Variants in HERC4 observed in about 807,000 individuals in gnomAD.
HERC4 encodes HECT and RLD domain containing E3 ubiquitin protein ligase 4.
A neutral mutation model predicts 124.3 loss-of-function variants in HERC4; 28 were observed. The observed-to-expected ratio is 0.23, with a 90% confidence interval of 0.17 to 0.31. HERC4 has a LOEUF of 0.31. Among genes scored for constraint, HERC4 ranks in the 10% least tolerant of loss-of-function variants. HERC4 has a pLI of 1.00. For missense variants in HERC4, 713 were observed against 1,229.3 expected, an observed-to-expected ratio of 0.58 and a Z score of 6.28; for synonymous variants, 407 against 421.5, an observed-to-expected ratio of 0.97 and a Z score of 0.42.
intron 9 of HERC4, among the ~76,000 whole-genome samples, chr10:68,006,375 GTTTTTTTT>G (rs772576805): frequency 7.5e-6 from 1 of 134,036 alleles, no homozygotes; most frequent in Non-Finnish European, 1.7e-5. Flanking sequence ...TTTTGTTTTT[GTTTTTTTT>G]TTTTTTTTGA....
intron 9 of HERC4, among the ~76,000 whole-genome samples, chr10:68,003,504 C>T (rs2037361720): frequency 6.6e-6 from 1 of 151,850 alleles, no homozygotes; most frequent in Non-Finnish European, 1.5e-5. Flanking sequence ...TCCTCACTTC[C>T]TCCCCTTACC....
At chr10:67,958,737 C>A (rs1383756638) in intron 16 of HERC4, among the ~76,000 whole-genome samples, 3 of 152,112 alleles carry the variant, frequency 2.0e-5, no homozygotes, top group Non-Finnish European at 4.4e-5. Context: ...TGTTTTACTT[C>A]TCTAATATAA....
chr10:67,945,896 A>G (rs1394386058), intron 19 of HERC4, among the ~76,000 whole-genome samples: 1 of 152,038 alleles, frequency 6.6e-6, no homozygotes, highest in Non-Finnish European at 1.5e-5. Context: ...CACAAAAAGG[A>G]ATGGAATAGG....
At chr10:68,068,934 A>C (rs1163540314) in intron 3 of HERC4, 6 of 476,412 alleles carry the variant, frequency 1.3e-5, no homozygotes, top group African/African-American at 2.1e-5. Context: ...TGTTGTGAGA[A>C]TTAAATGAGA....
intron 15 of HERC4, among the ~76,000 whole-genome samples, chr10:67,977,130 G>A (rs1196255498): frequency 6.6e-6 from 1 of 152,204 alleles, no homozygotes; most frequent in Admixed American, 6.5e-5. Flanking sequence ...ACAGCTTGTG[G>A]CTCCAAAAGA....
At chr10:68,069,717 A>G in intron 3 of HERC4, 1 of 985,474 alleles carries the variant, frequency 1.0e-6, no homozygotes. Flanking sequence ...AGTTCCCTCC[A>G]TTCCATGTGC....
Position 68,011,175 on chromosome 10 carries a change from T to C in HERC4, c.1069+2851A>G, listed in dbSNP as rs146206021. 3.3e-3 allele frequency among the ~76,000 whole-genome samples: 506 copies of C among 152,250 alleles called. 3 individuals are homozygous for C. The highest frequency in any genetic ancestry group is 0.012 in the African/African-American group (486 of 41,550). Reference sequence around the variant, plus strand: ...AACTCCTAAGCTCAAGCAATCCTCTTGCCTAAACCTCCCAAGTAGCATGTG... The same window carrying C: ...AACTCCTAAGCTCAAGCAATCCTCTCGCCTAAACCTCCCAAGTAGCATGTG... On this transcript the variant is annotated intron_variant, in intron 9 of 24. Transcript: ENST00000373700.
chr10:67,951,464 C>T (rs1372475741), intron 19 of HERC4, among the ~76,000 whole-genome samples: 1 of 152,216 alleles, frequency 6.6e-6, no homozygotes, highest in Non-Finnish European at 1.5e-5. Context: ...TCAAGTCTGA[C>T]ACAATTTTAT....
intron 16 of HERC4, chr10:67,959,023 C>G: frequency 9.4e-7 from 1 of 1,063,542 alleles, no homozygotes; most frequent in Non-Finnish European, 1.4e-6. Context: ...TTTAACCACA[C>G]CAAAAAAACG....
intron 23 of HERC4, among the ~76,000 whole-genome samples, chr10:67,927,009 G>C (rs2031058663): frequency 6.6e-6 from 1 of 151,936 alleles, no homozygotes; most frequent in Admixed American, 6.6e-5. Context: ...CTTGCTAATG[G>C]GCTTCTTGAA....
intron 21 of HERC4, among the ~76,000 whole-genome samples, chr10:67,936,782 A>G (rs1399660158): frequency 6.6e-6 from 1 of 152,140 alleles, no homozygotes; most frequent in Admixed American, 6.5e-5. Flanking sequence ...CCACTTATGC[A>G]TCTTTTCTTT....
At chr10:67,925,060 T>C in intron 24 of HERC4, 25 bp downstream of exon 24, 1 of 1,237,612 alleles carries the variant, frequency 8.1e-7, no homozygotes, top group Non-Finnish European at 1.2e-6. Context: ...TCTCATAAAG[T>C]ATACAACTAG....
intron 3 of HERC4, among the ~76,000 whole-genome samples, chr10:68,054,748 A>C (rs1184707747): frequency 6.6e-6 from 1 of 152,118 alleles, no homozygotes; most frequent in African/African-American, 2.4e-5. Context: ...ATATTTAATT[A>C]TTTAAATAAC....
intron 8 of HERC4, among the ~76,000 whole-genome samples, chr10:68,022,088 T>C (rs1164846173): frequency 6.6e-6 from 1 of 152,088 alleles, no homozygotes; most frequent in Non-Finnish European, 1.5e-5. Flanking sequence ...GGCAAAAGAT[T>C]TGTAAAATAA....
chr10:67,929,534 C>T (rs1006292863), intron 23 of HERC4, among the ~76,000 whole-genome samples: 26 of 133,816 alleles, frequency 1.9e-4, no homozygotes, highest in African/African-American at 1.0e-3. Context: ...GCTTTTTTTT[C>T]TTTTTTGAGA....
intron 8 of HERC4, among the ~76,000 whole-genome samples, chr10:68,024,348 G>A (rs1054447332): frequency 2.0e-5 from 3 of 152,064 alleles, no homozygotes; most frequent in Non-Finnish European, 4.4e-5. Flanking sequence ...AAAACCACAT[G>A]GGAAATATGG....
rs1564909584 is a variant in HERC4, at chr10:67,926,965, CA to C, written c.2839-1779del. On this transcript the variant is annotated intron_variant, in intron 23 of 24. Transcript: ENST00000373700. ...AATCTCTTGCATGGTTTCAGCTGTACATTATCCGGCACACAGTAGAGGCTCA... is the reference window on the plus strand; with the variant it reads ...AATCTCTTGCATGGTTTCAGCTGTACTTATCCGGCACACAGTAGAGGCTCA... Among the ~76,000 whole-genome samples, 3 of 152,306 alleles carry C rather than the reference CA, an allele frequency of 2.0e-5. No homozygotes were observed. The East Asian group carries it at 5.8e-4, about 29-fold the overall frequency.
chr10:68,022,414 G>T (rs1034338782), intron 8 of HERC4, among the ~76,000 whole-genome samples: 1 of 151,964 alleles, frequency 6.6e-6, no homozygotes, highest in South Asian at 2.1e-4. Context: ...CAGGAGAATC[G>T]CTTGGTCCCG....
At chr10:68,008,367 G>C (rs2037716557) in intron 9 of HERC4, among the ~76,000 whole-genome samples, 1 of 152,122 alleles carries the variant, frequency 6.6e-6, no homozygotes, top group Non-Finnish European at 1.5e-5. Flanking sequence ...GTCAGGCCTG[G>C]GGTCTTTTAT....
Sources: allele counts gnomAD v4.1 joint callset (sites outside exome capture counted in the v4.1 genomes callset), GRCh38; gene constraint gnomAD v4.1.1; transcripts MANE v1.5; gene names NCBI Gene and HGNC (gene_info 2026-07-23, HGNC 2026-07-21).